NLGN4X: variants seen among roughly 807,000 people sequenced by gnomAD.
NLGN4X encodes the protein neuroligin-4, X-linked.
Under a neutral mutation model 40.3 loss-of-function variants are expected in NLGN4X, and 3 were observed. That is an observed-to-expected ratio of 0.07 (90% CI 0.03 to 0.19). NLGN4X has a LOEUF of 0.19. NLGN4X is among the 10% of genes least tolerant of loss of function. The probability of loss-of-function intolerance (pLI) is 1.00; values close to 1 mark genes in which losing one functional copy is unlikely to be tolerated. For synonymous variants in NLGN4X, 270 were observed against 306.8 expected (o/e 0.88, Z 1.25); for missense variants, 382 against 708.3 (o/e 0.54, Z 5.23).
intron 3 of NLGN4X, among the ~76,000 whole-genome samples, chrX:6,022,063 G>A (rs1323279398): frequency 8.9e-6 from 1 of 112,045 alleles, no homozygotes; most frequent in African/African-American, 3.2e-5. Flanking sequence ...TTTTGTTTAT[G>A]TATTTCTCAC....
At chrX:5,980,975 T>A (rs1036221680) in intron 3 of NLGN4X, among the ~76,000 whole-genome samples, 2 of 111,829 alleles carry the variant, frequency 1.8e-5, no homozygotes, top group South Asian at 3.7e-4. Context: ...GCAAAGAGTC[T>A]GTAGATTAAT....
chrX:5,907,080 A>T (rs1189180671), intron 4 of NLGN4X, among the ~76,000 whole-genome samples: 1 of 106,984 alleles, frequency 9.3e-6, no homozygotes, highest in Non-Finnish European at 1.9e-5. Flanking sequence ...GACTCCCTGA[A>T]AAAAAAAAAA....
At chrX:5,993,405 T>A (rs1317414538) in intron 3 of NLGN4X, among the ~76,000 whole-genome samples, 1 of 111,900 alleles carries the variant, frequency 8.9e-6, no homozygotes, top group Admixed American at 9.5e-5. Context: ...TGGAATCAGA[T>A]CATTGTTATG....
At chrX:5,962,188 T>C (rs958538413) in intron 3 of NLGN4X, among the ~76,000 whole-genome samples, 1 of 112,402 alleles carries the variant, frequency 8.9e-6, no homozygotes, top group African/African-American at 3.2e-5. Context: ...TAAGTATGTA[T>C]GTATGTTTCC....
intron 3 of NLGN4X, among the ~76,000 whole-genome samples, chrX:6,009,283 G>A (rs373517608): frequency 2.8e-3 from 310 of 111,834 alleles, no homozygotes; most frequent in African/African-American, 9.6e-3. Context: ...ATACCCGGAG[G>A]TAGAATTGTT....
intron 2 of NLGN4X, among the ~76,000 whole-genome samples, chrX:6,107,606 T>A (rs890646081): frequency 2.7e-5 from 3 of 111,567 alleles, no homozygotes; most frequent in African/African-American, 9.8e-5. Flanking sequence ...TACATGGGTA[T>A]ATTGCACACT....
At chrX:6,175,832 A>T (rs1468500983) in intron 1 of NLGN4X, among the ~76,000 whole-genome samples, 1 of 110,047 alleles carries the variant, frequency 9.1e-6, no homozygotes, top group Non-Finnish European at 1.9e-5. Flanking sequence ...CTGGGATCCA[A>T]GCCCCCACTC....
intron 1 of NLGN4X, among the ~76,000 whole-genome samples, chrX:6,183,274 A>G (rs57853642): frequency 8.0e-5 from 9 of 112,445 alleles, no homozygotes; most frequent in Non-Finnish European, 1.3e-4. Context: ...CTGGCCGGGC[A>G]CGGTGGCTCA....
chrX:6,056,569 T>A (rs2037637400), intron 2 of NLGN4X, among the ~76,000 whole-genome samples: 1 of 112,345 alleles, frequency 8.9e-6, no homozygotes. Context: ...AAAGAGACCC[T>A]TTCTATCAGA....
chrX:6,036,610 G>GCACA (rs55801725), intron 2 of NLGN4X, among the ~76,000 whole-genome samples: 31,767 of 93,239 alleles, frequency 0.34, 4,971 homozygotes, highest in Middle Eastern at 0.53. Flanking sequence ...TGTGGCTGGC[G>GCACA]CACACACACA....
At chrX:6,065,179 C>T (rs760337879) in intron 2 of NLGN4X, among the ~76,000 whole-genome samples, 1 of 110,332 alleles carries the variant, frequency 9.1e-6, no homozygotes, top group Admixed American at 9.7e-5. Context: ...TCACTACCTG[C>T]GTGACAAAAT....
intron 1 of NLGN4X, among the ~76,000 whole-genome samples, chrX:6,169,319 C>T (rs1458316578): frequency 8.9e-6 from 1 of 112,824 alleles, no homozygotes; most frequent in African/African-American, 3.2e-5. Context: ...GAACTACACC[C>T]TGAGGATGAT....
chrX:6,058,330 T>C (rs1005525760), intron 2 of NLGN4X, among the ~76,000 whole-genome samples: 1 of 112,094 alleles, frequency 8.9e-6, no homozygotes, highest in African/African-American at 3.2e-5. Context: ...GTGTTTAAGA[T>C]ACTAAATCTG....
chrX:6,146,708 AC>A (rs1314813248), intron 2 of NLGN4X, among the ~76,000 whole-genome samples: 3 of 109,023 alleles, frequency 2.8e-5, no homozygotes, highest in Non-Finnish European at 3.8e-5. Flanking sequence ...AAAAAAAAAA[AC>A]AACCCAAAAT....
chrX:5,989,925 A>T (rs1371325705), intron 3 of NLGN4X, among the ~76,000 whole-genome samples: 1 of 111,768 alleles, frequency 8.9e-6, no homozygotes, highest in African/African-American at 3.3e-5. Flanking sequence ...ATACAACTGT[A>T]ACAATATATA....
chrX:6,037,088 G>A (rs1015341124), intron 2 of NLGN4X, among the ~76,000 whole-genome samples: 3 of 110,661 alleles, frequency 2.7e-5, no homozygotes, highest in Non-Finnish European at 3.8e-5. Context: ...CGAGGTGGGC[G>A]GAGGTCAGGA....
At chrX:6,153,756 A>G (rs1013325125) in intron 1 of NLGN4X, among the ~76,000 whole-genome samples, 1 of 111,992 alleles carries the variant, frequency 8.9e-6, no homozygotes, top group Non-Finnish European at 1.9e-5. Flanking sequence ...CTCAAACTCA[A>G]TGTGAATGAG....
At chrX:6,079,705 A>G (rs1276844578) in intron 2 of NLGN4X, among the ~76,000 whole-genome samples, 2 of 112,500 alleles carry the variant, frequency 1.8e-5, no homozygotes, top group Non-Finnish European at 1.9e-5. Flanking sequence ...TCTTACACAT[A>G]GTAAGCACTC....
intron 3 of NLGN4X, among the ~76,000 whole-genome samples, chrX:5,917,993 G>A (rs2032877618): frequency 9.0e-6 from 1 of 111,591 alleles, no homozygotes; most frequent in Non-Finnish European, 1.9e-5. Context: ...AGAAAGACAA[G>A]GCAAAAAACA....
Sources: allele counts gnomAD v4.1 joint callset (sites outside exome capture counted in the v4.1 genomes callset), GRCh38; gene constraint gnomAD v4.1.1; transcripts MANE v1.5; gene names NCBI Gene and HGNC (gene_info 2026-07-23, HGNC 2026-07-21).